CSMD1: variants seen among roughly 807,000 people sequenced by gnomAD.
The protein encoded by CSMD1 is CUB and Sushi multiple domains 1.
A neutral mutation model predicts 417.5 loss-of-function variants in CSMD1; 213 were observed. That is an observed-to-expected ratio of 0.51 (90% CI 0.46 to 0.57). The LOEUF is 0.57. Among genes scored for constraint, CSMD1 ranks in the 20% least tolerant of loss-of-function variants. The pLI, the probability that CSMD1 is intolerant of heterozygous loss-of-function variation, is 0.00. For synonymous variants in CSMD1, 2,862 were observed against 1,736.8 expected, an observed-to-expected ratio of 1.65 and a Z score of -16.11; for missense variants, 6,923 against 4,529.7, an observed-to-expected ratio of 1.53 and a Z score of -15.17.
chr8:3,746,692 T>C (rs1451067267), intron 6 of CSMD1, among the ~76,000 whole-genome samples: 1 of 152,220 alleles, frequency 6.6e-6, no homozygotes, highest in Non-Finnish European at 1.5e-5. Context: ...CCCCAATATC[T>C]ACTCAAAATA....
intron 2 of CSMD1, among the ~76,000 whole-genome samples, chr8:4,570,037 G>A (rs930967924): frequency 1.3e-5 from 2 of 152,124 alleles, no homozygotes; most frequent in African/African-American, 4.8e-5. Flanking sequence ...GGACTTTTTG[G>A]ACTGAGACAA....
At chr8:4,185,326 G>T (rs1254140259) in intron 3 of CSMD1, among the ~76,000 whole-genome samples, 1 of 151,936 alleles carries the variant, frequency 6.6e-6, no homozygotes, top group Non-Finnish European at 1.5e-5. Context: ...CTTAAAAAGG[G>T]CTCACAATAG....
chr8:4,239,042 T>C (rs1469601891), intron 3 of CSMD1, among the ~76,000 whole-genome samples: 2 of 152,214 alleles, frequency 1.3e-5, no homozygotes, highest in Non-Finnish European at 2.9e-5. Context: ...TGCTGAAATA[T>C]CACACATCCC....
At chr8:4,323,498 T>TA (rs1799384427) in intron 3 of CSMD1, among the ~76,000 whole-genome samples, 1 of 148,506 alleles carries the variant, frequency 6.7e-6, no homozygotes, top group African/African-American at 2.5e-5. Flanking sequence ...CTCTGAAACC[T>TA]GTTATCAGAA....
chr8:4,849,415 A>C (rs1281470407), intron 1 of CSMD1, among the ~76,000 whole-genome samples: 1 of 151,988 alleles, frequency 6.6e-6, no homozygotes, highest in African/African-American at 2.4e-5. Flanking sequence ...ACTTTTTGTA[A>C]GTTTGCTATA....
chr8:4,945,616 T>C (rs1278765543), intron 1 of CSMD1, among the ~76,000 whole-genome samples: 1 of 152,128 alleles, frequency 6.6e-6, no homozygotes, highest in Non-Finnish European at 1.5e-5. Flanking sequence ...TTCTAAGTGA[T>C]GTATTCAAGG....
intron 10 of CSMD1, among the ~76,000 whole-genome samples, chr8:3,568,125 C>T (rs1250173250): frequency 6.6e-6 from 1 of 151,924 alleles, no homozygotes; most frequent in East Asian, 1.9e-4. Flanking sequence ...ATAAAACAAA[C>T]TTATAATTAA....
chr8:3,185,970 T>C (rs1821730257), intron 36 of CSMD1, among the ~76,000 whole-genome samples: 1 of 152,172 alleles, frequency 6.6e-6, no homozygotes, highest in African/African-American at 2.4e-5. Flanking sequence ...TGTCTAGCTA[T>C]ATTTTACTAA....
intron 1 of CSMD1, among the ~76,000 whole-genome samples, chr8:4,845,245 T>G (rs1028026698): frequency 1.3e-5 from 2 of 152,204 alleles, no homozygotes; most frequent in African/African-American, 4.8e-5. Context: ...AGTATTATAT[T>G]TGATAAAGAC....
intron 3 of CSMD1, among the ~76,000 whole-genome samples, chr8:4,109,420 T>C (rs1040694498): frequency 2.0e-5 from 3 of 152,164 alleles, no homozygotes; most frequent in African/African-American, 7.2e-5. Flanking sequence ...TTAATCACGG[T>C]GAAAGTTTCA....
At chr8:3,210,220 A>G (rs1271192957) in intron 30 of CSMD1, among the ~76,000 whole-genome samples, 1 of 152,134 alleles carries the variant, frequency 6.6e-6, no homozygotes, top group Non-Finnish European at 1.5e-5. Context: ...GATGCACTAC[A>G]GGAGAGACCA....
chr8:4,477,399 G>T (rs1184531084), intron 2 of CSMD1, among the ~76,000 whole-genome samples: 3 of 152,192 alleles, frequency 2.0e-5, no homozygotes, highest in East Asian at 3.9e-4. Flanking sequence ...ATCAGTCTCG[G>T]GGACTTGGTG....
intron 3 of CSMD1, among the ~76,000 whole-genome samples, chr8:4,159,901 G>A (rs1395625041): frequency 6.6e-6 from 1 of 152,124 alleles, no homozygotes; most frequent in African/African-American, 2.4e-5. Flanking sequence ...AGGATGCAAA[G>A]GCTTAAGAAT....
chr8:4,234,879 G>T (rs984764497), intron 3 of CSMD1, among the ~76,000 whole-genome samples: 2 of 152,042 alleles, frequency 1.3e-5, no homozygotes, highest in Admixed American at 1.3e-4. Context: ...GCTTTTCCTC[G>T]GTGTGTGAAC....
At chr8:4,318,100 G>C (rs1456757396) in intron 3 of CSMD1, among the ~76,000 whole-genome samples, 1 of 152,046 alleles carries the variant, frequency 6.6e-6, no homozygotes, top group Admixed American at 6.6e-5. Context: ...TGTCTGTAAA[G>C]CTGTACCCAT....
chr8:4,648,419 T>C (rs1015873399), intron 1 of CSMD1, among the ~76,000 whole-genome samples: 4 of 152,146 alleles, frequency 2.6e-5, no homozygotes, highest in Admixed American at 2.6e-4. Context: ...GCCATGAGTC[T>C]TGGGGCTCAG....
rs997767211 is a variant in CSMD1 at position 4,941,110 on chromosome 8, C to A, written c.85+53222G>T. Among the ~76,000 whole-genome samples, 3 of 152,212 alleles carry A rather than the reference C, an allele frequency of 2.0e-5. No individual in the cohort carries two copies. The East Asian group carries it at 5.8e-4, about 29-fold the overall frequency. Reference sequence around the variant, plus strand: ...AATTATATTGAATTTTGGAGTTTGTCTTTCGCCTCTGATTTTGACTAATTG... The same window carrying A: ...AATTATATTGAATTTTGGAGTTTGTATTTCGCCTCTGATTTTGACTAATTG... On this transcript the variant is annotated intron_variant, in intron 1 of 69. Coordinates refer to ENST00000635120, the MANE Select transcript of CSMD1 (RefSeq NM_033225.6).
intron 57 of CSMD1, among the ~76,000 whole-genome samples, chr8:2,968,840 G>C (rs78348544): frequency 6.6e-6 from 1 of 152,038 alleles, no homozygotes; most frequent in Non-Finnish European, 1.5e-5. Context: ...TCTCTTTCCT[G>C]AGTTTATTTT....
intron 3 of CSMD1, among the ~76,000 whole-genome samples, chr8:4,404,281 T>C (rs1414218435): frequency 6.6e-6 from 1 of 152,184 alleles, no homozygotes; most frequent in Non-Finnish European, 1.5e-5. Flanking sequence ...TATCACCTTA[T>C]GATATGCTGT....
Sources: gnomAD v4.1 joint callset for allele counts (sites outside exome capture counted in the v4.1 genomes callset) on GRCh38, gnomAD v4.1.1 for gene constraint, MANE v1.5 for transcripts, NCBI Gene and HGNC (gene_info 2026-07-23, HGNC 2026-07-21) for gene names.